Variants in WDR59 observed in about 807,000 individuals in gnomAD.
The protein encoded by WDR59 is WD repeat domain 59, also known as GATOR2 complex protein WDR59.
A neutral mutation model predicts 131.2 loss-of-function variants in WDR59; 100 were observed. The observed-to-expected ratio is 0.76, with a 90% CI of 0.65 to 0.90. The LOEUF (loss-of-function observed/expected upper bound fraction) is 0.90, where lower values mean the gene tolerates loss of function less well. WDR59 is among the 40% of genes least tolerant of loss of function. The probability of loss-of-function intolerance (pLI) is 0.00; values close to 1 mark genes in which losing one functional copy is unlikely to be tolerated. For missense variants in WDR59, 1,203 were observed against 1,262.2 expected (o/e 0.95, Z 0.71); for synonymous variants, 601 against 466.2 (o/e 1.29, Z -3.72).
At position 74,948,391 on chromosome 16, in the gene WDR59, G is replaced by A. The variant is rs1055184086; in HGVS notation, c.445+128C>T. The A allele has an allele frequency of 4.1e-5, 37 of 900,784 alleles. No individual in the cohort carries two copies. In the East Asian group the frequency reaches 7.0e-4, roughly 17 times the overall value. 55.8% of individuals were successfully genotyped at this position (900,784 alleles called of 1,614,324 possible). A position where few individuals can be genotyped will look rare whatever the true frequency, so the allele number is the denominator to read the frequency against. On this transcript the variant is annotated intron_variant, in intron 6 of 25. Coordinates refer to ENST00000262144, the MANE Select transcript of WDR59 (RefSeq NM_030581.4). ...AGACTTACAATTCCACTCAGCCACGGCGCAGCCCAGACAGAGGCAGTTAGA... is the reference window on the plus strand; with the variant it reads ...AGACTTACAATTCCACTCAGCCACGACGCAGCCCAGACAGAGGCAGTTAGA...
intron 1 of WDR59, among the ~76,000 whole-genome samples, chr16:74,969,048 G>A (rs182615820): frequency 9.9e-4 from 151 of 152,254 alleles, no homozygotes; most frequent in Non-Finnish European, 1.9e-3. Context: ...ACCAGGTGGG[G>A]AATTCTAGAC....
chr16:74,905,152 G>A (rs924388167), intron 17 of WDR59, among the ~76,000 whole-genome samples: 9 of 152,162 alleles, frequency 5.9e-5, no homozygotes, highest in African/African-American at 1.9e-4. Flanking sequence ...AAGGCGGGCA[G>A]ATTACCTGAG....
chr16:74,890,672 C>T lies in WDR59; in HGVS notation c.2083-857G>A, dbSNP rs115063033. ...GGATTTGGCTTTCTTTTTGTTGACA[C>T]CAAATCTGAGGAATACCTCCCCGAC... On this transcript the variant is annotated intron_variant, in intron 20 of 25. Coordinates refer to ENST00000262144, the MANE Select transcript of WDR59 (RefSeq NM_030581.4). 5.0e-3 allele frequency among the ~76,000 whole-genome samples: 763 copies of T among 152,230 alleles called. 9 individuals carry two copies. Among genetic ancestry groups the T allele is most frequent in the African/African-American group, 0.018 (737 of 41,540 alleles).
chr16:74,972,823 A>C (rs1158342601), intron 1 of WDR59, among the ~76,000 whole-genome samples: 1 of 17,658 alleles, frequency 5.7e-5, no homozygotes, highest in East Asian at 6.0e-3. Flanking sequence ...CTCTGTCTTA[A>C]AAAAAAAAAA....
intron 3 of WDR59, among the ~76,000 whole-genome samples, chr16:74,954,199 G>A (rs568301735): frequency 1.2e-4 from 18 of 152,074 alleles, no homozygotes; most frequent in African/African-American, 4.1e-4. Flanking sequence ...ACCTGAGGTC[G>A]AGAGTTTGAG....
chr16:74,901,637 G>A (rs1266183033), intron 18 of WDR59, among the ~76,000 whole-genome samples: 7 of 149,218 alleles, frequency 4.7e-5, no homozygotes, highest in Non-Finnish European at 7.4e-5. Flanking sequence ...GCAACAGAGT[G>A]AGGCCCCATC....
At chr16:74,969,838 G>A (rs2033912515) in intron 1 of WDR59, among the ~76,000 whole-genome samples, 2 of 152,196 alleles carry the variant, frequency 1.3e-5, no homozygotes, top group East Asian at 1.9e-4. Flanking sequence ...ACAGGTTGGA[G>A]TACAGTGGCA....
chr16:74,903,845 C>T (rs1965673426), intron 18 of WDR59, 102 bp downstream of exon 18: 2 of 1,378,616 alleles, frequency 1.5e-6, no homozygotes, highest in African/African-American at 1.5e-5. Context: ...AAGTGAAAGG[C>T]TACAGGGTGA....
intron 3 of WDR59, among the ~76,000 whole-genome samples, chr16:74,955,827 T>C (rs2145158923): frequency 6.6e-6 from 1 of 152,250 alleles, no homozygotes; most frequent in African/African-American, 2.4e-5. Flanking sequence ...AGATCTCTCA[T>C]TATTCTAGAA....
chr16:74,940,769 G>A (rs375527299), intron 7 of WDR59, among the ~76,000 whole-genome samples: 7 of 152,090 alleles, frequency 4.6e-5, no homozygotes, highest in African/African-American at 1.2e-4. Context: ...GCAGTGGCGC[G>A]ATCTCGGCTC....
intron 1 of WDR59, among the ~76,000 whole-genome samples, chr16:74,966,803 T>G (rs35273060): frequency 0.48 from 72,552 of 151,918 alleles, 17,707 homozygotes; most frequent in East Asian, 0.74. Flanking sequence ...ATTTCCCGGG[T>G]CTCCCAATTC....
At chr16:74,922,726 T>C (rs1463132249) in intron 9 of WDR59, among the ~76,000 whole-genome samples, 3 of 152,230 alleles carry the variant, frequency 2.0e-5, no homozygotes, top group Non-Finnish European at 2.9e-5. Context: ...AAAGAGCACA[T>C]TTATCTTCAC....
intron 13 of WDR59, among the ~76,000 whole-genome samples, chr16:74,913,276 T>C (rs1294711365): frequency 6.6e-6 from 1 of 151,956 alleles, no homozygotes; most frequent in Non-Finnish European, 1.5e-5. Flanking sequence ...TCTTTTTTTT[T>C]TTTTTTGAGA....
In WDR59 at chr16:74,917,961, T is replaced by G. The variant is rs917953676; in HGVS notation, c.934A>C (p.Arg312=). The G allele has an allele frequency of 3.1e-6, 5 of 1,613,992 alleles. No individual in the cohort carries two copies. In the African/African-American group the frequency reaches 5.3e-5, roughly 17 times the overall value. ...LVTWSRDQTL[R]MWRVDSQMQR... is the part of the protein sequence containing the mutation. ...ATCTGGGAATCCACCCGCCACATTC[T>G]CAAGGTCTGATCCCGGGACCACGTC... Residue 312 remains arginine, a synonymous_variant, in exon 11 of 26, where the codon AGA becomes CGA. Transcript: ENST00000262144.
chr16:74,984,409 T>G (rs2034544307), intron 1 of WDR59, among the ~76,000 whole-genome samples: 1 of 152,182 alleles, frequency 6.6e-6, no homozygotes, highest in Admixed American at 6.5e-5. Context: ...GGGTAGGGGC[T>G]GCGGGATTCG....
At chr16:74,917,851 C>A in intron 11 of WDR59, 78 bp downstream of exon 11, 5 of 1,155,272 alleles carry the variant, frequency 4.3e-6, no homozygotes, top group Non-Finnish European at 6.3e-6. Context: ...CCTGTAACCT[C>A]TAATTTCCGC....
intron 6 of WDR59, among the ~76,000 whole-genome samples, chr16:74,945,069 A>T (rs1351431037): frequency 1.3e-5 from 2 of 151,554 alleles, no homozygotes; most frequent in Non-Finnish European, 2.9e-5. Context: ...GGTTGCGGTG[A>T]GCCAAGATCG....
rs1964390134 is a variant in WDR59, at chr16:74,879,735, A to ATT, written c.2690-5292_2690-5291insAA. 5.3e-5 allele frequency among the ~76,000 whole-genome samples: 8 copies of ATT among 152,366 alleles called. No individual in the cohort carries two copies. The South Asian group carries it at 1.7e-3, about 32-fold the overall frequency. On this transcript the variant is annotated intron_variant, in intron 25 of 25. Coordinates refer to ENST00000262144, the MANE Select transcript of WDR59 (RefSeq NM_030581.4). ...AAAAAACCAAAAAAGATCTTAATAT[A>ATT]GATTATAAGATATCAAATCACCAGG...
intron 1 of WDR59, among the ~76,000 whole-genome samples, chr16:74,981,161 C>G (rs917026319): frequency 1.3e-5 from 2 of 151,308 alleles, no homozygotes; most frequent in South Asian, 2.1e-4. Flanking sequence ...GTCAGGAGAT[C>G]GAGACCATCC....
Sources: allele counts gnomAD v4.1 joint callset (sites outside exome capture counted in the v4.1 genomes callset), GRCh38; gene constraint gnomAD v4.1.1; transcripts MANE v1.5; gene names NCBI Gene and HGNC (gene_info 2026-07-23, HGNC 2026-07-21).